Variants in COL5A3 observed in about 807,000 individuals in gnomAD.
COL5A3 encodes the protein collagen type V alpha 3 chain.
In COL5A3, 172 loss-of-function variants were observed where a neutral mutation model predicts 250.0. That is an observed-to-expected ratio of 0.69 (90% CI 0.61 to 0.78). COL5A3 has a LOEUF of 0.78. COL5A3 is among the 30% of genes least tolerant of loss of function. The pLI is 0.00. For missense variants in COL5A3, 2,340 were observed against 2,334.4 expected, an observed-to-expected ratio of 1.00 and a Z score of -0.05; for synonymous variants, 937 against 900.4, an observed-to-expected ratio of 1.04 and a Z score of -0.73.
Position 9,998,232 on chromosome 19 carries a change from GCACA to G in COL5A3, c.1111-87_1111-84del, listed in dbSNP as rs143525824. The stretch of plus-strand genomic sequence containing the variant: ...TTCAGTTATCTGATCACACACACTT[GCACA>G]CACACACACACACACACACACGGAG... On this transcript the variant is annotated intron_variant, in intron 8 of 66. Transcript: ENST00000264828. 0.026 allele frequency: 26,200 copies of G among 1,004,704 alleles called. 2,876 individuals are homozygous for G. The African/African-American group carries it at 0.32, about 12-fold the overall frequency. The allele number at this position is 1,004,704 out of a possible 1,614,324, so 62.2% of individuals were successfully genotyped here.
At chr19:10,007,106 G>A (rs921665875) in intron 1 of COL5A3, among the ~76,000 whole-genome samples, 26 of 140,082 alleles carry the variant, frequency 1.9e-4, no homozygotes, top group Non-Finnish European at 2.8e-4. Context: ...TCCTCCCTCT[G>A]ACTCTCCCCT....
intron 8 of COL5A3, among the ~76,000 whole-genome samples, chr19:9,999,040 TTC>T (rs1200811516): frequency 3.4e-5 from 5 of 145,058 alleles, no homozygotes; most frequent in African/African-American, 5.5e-5. Context: ...TTCTTTTTCT[TTC>T]TCTTTCTTTC....
Position 9,968,471 on chromosome 19 carries a change from G to C in COL5A3, c.4228C>G (p.Leu1410Val), listed in dbSNP as rs2086785781. 6.3e-7 allele frequency: 1 copy of C among 1,587,876 alleles called. No individual in the cohort carries two copies. The highest frequency in any genetic ancestry group is 1.4e-5 in the African/African-American group (1 of 72,932). ...GEKGHIGLIGLIGPPGEAGEK... is the reference protein window; with the variant it reads ...GEKGHIGLIGVIGPPGEAGEK... ...CCAGCTTCTCCCGGGGGGCCAATGA[G>C]ACCGATCAATCCAATGTGGCCCTGA... The change falls in exon 59 of 67, where the codon CTC becomes GTC. Residue 1410 changes from leucine (L) to valine (V), a missense_variant. Physicochemically the swap from Leu to Val is conservative, Grantham distance 32. Transcript: ENST00000264828. This position sits in a 1 kb window ranked among gnomAD's most constrained non-coding sequence, Gnocchi z 4.1.
rs767104109 is a variant in COL5A3, at chr19:9,992,816, G to T, written c.1848+11C>A. The T allele has an allele frequency of 1.2e-6, 2 of 1,613,586 alleles. No individual in the cohort carries two copies. The highest frequency in any genetic ancestry group is 8.5e-7 in the Non-Finnish European group (1 of 1,179,622). On this transcript the variant is annotated intron_variant, in intron 21 of 66. Coordinates refer to ENST00000264828, the MANE Select transcript of COL5A3 (RefSeq NM_015719.4). ...AGACAGACAGGGATGCAGAGAGCCA[G>T]TGACACTCACCGGGCGACCCGTGGG...
At chr19:9,965,158 T>TTC (rs1452309362) in intron 64 of COL5A3, among the ~76,000 whole-genome samples, 11 of 99,158 alleles carry the variant, frequency 1.1e-4, no homozygotes, top group Non-Finnish European at 2.1e-4. Context: ...TTCTTTTTCT[T>TTC]TTTTTTTTTT....
chr19:9,985,770 G>A (rs1331065786), intron 31 of COL5A3, 72 bp downstream of exon 31: 3 of 1,415,088 alleles, frequency 2.1e-6, no homozygotes, highest in African/African-American at 2.8e-5. Flanking sequence ...CAAGACCACA[G>A]CCTGGACCCC....
chr19:9,985,457 T>TG (rs35829204), intron 31 of COL5A3, among the ~76,000 whole-genome samples: 1 of 131,576 alleles, frequency 7.6e-6, no homozygotes, highest in African/African-American at 2.8e-5. Flanking sequence ...ATGGGGTTTC[T>TG]CCATGTTGGC....
intron 61 of COL5A3, chr19:9,967,605 C>G (rs1267755584): frequency 1.7e-6 from 1 of 574,082 alleles, no homozygotes; most frequent in Non-Finnish European, 3.0e-6. Flanking sequence ...GCATCAGACA[C>G]AAATTTTCTT....
intron 1 of COL5A3, among the ~76,000 whole-genome samples, chr19:10,006,704 T>C (rs1450638278): frequency 6.6e-6 from 1 of 151,672 alleles, no homozygotes; most frequent in East Asian, 2.0e-4. Flanking sequence ...TTGACCACCA[T>C]CACCCACAAC....
intron 33 of COL5A3, 62 bp downstream of exon 33, chr19:9,981,026 C>T (rs2145095316): frequency 1.3e-6 from 2 of 1,578,644 alleles, no homozygotes; most frequent in East Asian, 4.5e-5. Context: ...TCTCCACTAC[C>T]TTTCCTTCCC....
chr19:10,007,060 C>T (rs960220421), intron 1 of COL5A3, among the ~76,000 whole-genome samples: 3 of 150,984 alleles, frequency 2.0e-5, no homozygotes, highest in Admixed American at 2.0e-4. Context: ...CTGACTTTCC[C>T]CTTTGACCTC....
intron 52 of COL5A3, 87 bp downstream of exon 52, chr19:9,971,118 C>T: frequency 7.1e-7 from 1 of 1,406,726 alleles, no homozygotes; most frequent in Non-Finnish European, 9.5e-7. Context: ...GTTTTTGGTT[C>T]CACTGTCAGT....
At chr19:9,992,542 C>A (rs543982403) in intron 21 of COL5A3, among the ~76,000 whole-genome samples, 11 of 152,234 alleles carry the variant, frequency 7.2e-5, no homozygotes, top group African/African-American at 2.6e-4. Flanking sequence ...GTAATCCCAG[C>A]ACTTTGGGAG....
At chr19:9,988,337 A>G (rs2087128979) in intron 27 of COL5A3, among the ~76,000 whole-genome samples, 1 of 152,210 alleles carries the variant, frequency 6.6e-6, no homozygotes, top group African/African-American at 2.4e-5. Context: ...AGTATAGCCA[A>G]TTCCTTGATT....
rs762881841 is a variant in COL5A3 at position 9,967,898 on chromosome 19, A to T, written c.4404+6T>A. ...GTGTAAGCCCACGGAAGCAGGGTGT[A>T]CTCACCGGAGACCCTTTTGAGCCTT... On this transcript the variant is annotated splice_donor_region_variant and intron_variant, in intron 61 of 66. Coordinates refer to ENST00000264828, the MANE Select transcript of COL5A3 (RefSeq NM_015719.4). 7 of 1,612,730 alleles carry T rather than the reference A, an allele frequency of 4.3e-6. No homozygotes were observed. The highest frequency in any genetic ancestry group is 5.9e-6 in the Non-Finnish European group (7 of 1,179,606).
intron 11 of COL5A3, chr19:9,996,924 TG>T: frequency 3.7e-6 from 2 of 537,600 alleles, no homozygotes; most frequent in Non-Finnish European, 3.2e-6. Flanking sequence ...TGGAGAAGGA[TG>T]GGGGCAGATG....
chr19:9,978,848 C>G, intron 40 of COL5A3, 43 bp downstream of exon 40: 1 of 1,087,150 alleles, frequency 9.2e-7, no homozygotes, highest in Non-Finnish European at 1.3e-6. Flanking sequence ...CCCATCCTTT[C>G]CTTCTCTAAG....
intron 1 of COL5A3, among the ~76,000 whole-genome samples, chr19:10,007,013 A>T (rs1185289006): frequency 1.5e-5 from 2 of 137,824 alleles, no homozygotes; most frequent in East Asian, 4.3e-4. Context: ...GTCTCCTCTG[A>T]TCTCCTCTCC....
chr19:9,980,374 T>C (rs865774134), intron 35 of COL5A3, among the ~76,000 whole-genome samples: 65 of 152,230 alleles, frequency 4.3e-4, no homozygotes, highest in Middle Eastern at 6.8e-3. Flanking sequence ...TCTTTTTTTC[T>C]TTTCTTAAAG....
Sources: allele counts gnomAD v4.1 joint callset (sites outside exome capture counted in the v4.1 genomes callset), GRCh38; gene constraint gnomAD v4.1.1; non-coding constraint Gnocchi (gnomAD v3.1); transcripts MANE v1.5; gene names NCBI Gene and HGNC (gene_info 2026-07-23, HGNC 2026-07-21).